PHF20: variants seen among roughly 807,000 people sequenced by gnomAD.
The protein encoded by PHF20 is glioma-expressed antigen 2.
Under a neutral mutation model 113.5 loss-of-function variants are expected in PHF20, and 23 were observed. The ratio of observed to expected loss-of-function variants is 0.20; its 90% confidence interval spans 0.15 to 0.29. The LOEUF is 0.29. Among genes scored for constraint, PHF20 ranks in the 10% least tolerant of loss-of-function variants. The probability of loss-of-function intolerance (pLI) is 1.00; values close to 1 mark genes in which losing one functional copy is unlikely to be tolerated. For synonymous variants in PHF20, 434 were observed against 457.3 expected, an observed-to-expected ratio of 0.95 and a Z score of 0.65; for missense variants, 943 against 1,219.6, an observed-to-expected ratio of 0.77 and a Z score of 3.38.
chr20:35,859,023 G>T (rs2054168915), intron 5 of PHF20, among the ~76,000 whole-genome samples: 1 of 152,176 alleles, frequency 6.6e-6, no homozygotes. Flanking sequence ...AGCCATACAG[G>T]AAACTTGTTG....
At chr20:35,772,186 C>T (rs1299305604) in intron 1 of PHF20, 107 bp downstream of exon 1, 2 of 150,874 alleles carry the variant, frequency 1.3e-5, no homozygotes, top group Admixed American at 6.6e-5. Flanking sequence ...ACCGCTGCTT[C>T]GGTCCCCTGC....
chr20:35,790,303 C>T (rs776383731), intron 1 of PHF20, among the ~76,000 whole-genome samples: 15 of 151,838 alleles, frequency 9.9e-5, no homozygotes, highest in Admixed American at 5.3e-4. Context: ...TGGGTTCAAG[C>T]GATTCTCCTT....
chr20:35,856,990 C>T (rs572757715), intron 4 of PHF20, among the ~76,000 whole-genome samples: 10 of 151,896 alleles, frequency 6.6e-5, no homozygotes, highest in Admixed American at 1.3e-4. Context: ...TGAGGACTGG[C>T]GGTGGAGGGG....
intron 10 of PHF20, among the ~76,000 whole-genome samples, chr20:35,911,927 G>A (rs951967992): frequency 1.3e-5 from 2 of 151,948 alleles, no homozygotes; most frequent in Non-Finnish European, 2.9e-5. Flanking sequence ...CCAAAGTGCT[G>A]GGATTACAGG....
At chr20:35,904,971 G>A (rs1391261760) in intron 10 of PHF20, among the ~76,000 whole-genome samples, 6 of 151,744 alleles carry the variant, frequency 4.0e-5, no homozygotes, top group East Asian at 3.9e-4. Context: ...GATTACAGGC[G>A]TGCACCACCA....
chr20:35,785,128 G>T (rs2041382679), intron 1 of PHF20, among the ~76,000 whole-genome samples: 1 of 151,842 alleles, frequency 6.6e-6, no homozygotes, highest in Non-Finnish European at 1.5e-5. Context: ...TATCTAGCCA[G>T]GTGACTTTGG....
chr20:35,929,349 G>T (rs1303589704), intron 14 of PHF20, among the ~76,000 whole-genome samples: 1 of 152,224 alleles, frequency 6.6e-6, no homozygotes, highest in Non-Finnish European at 1.5e-5. Context: ...CTGTCTCCTT[G>T]TACTAGAAGC....
chr20:35,786,354 G>T (rs1276361437), intron 1 of PHF20, among the ~76,000 whole-genome samples: 1 of 152,006 alleles, frequency 6.6e-6, no homozygotes, highest in Non-Finnish European at 1.5e-5. Context: ...TCGCGCCACT[G>T]CATTCCAGCC....
intron 1 of PHF20, among the ~76,000 whole-genome samples, chr20:35,790,870 GT>G (rs898140361): frequency 2.2e-4 from 34 of 152,014 alleles, no homozygotes; most frequent in African/African-American, 7.7e-4. Context: ...GTTTGTTTTT[GT>G]TTTTTGAGAC....
chr20:35,789,918 G>A (rs1232284746), intron 1 of PHF20, among the ~76,000 whole-genome samples: 1 of 134,340 alleles, frequency 7.4e-6, no homozygotes, highest in African/African-American at 2.9e-5. Flanking sequence ...GCAGTGGCTC[G>A]ATCTCAGCTC....
At chr20:35,804,488 G>T (rs907134783) in intron 2 of PHF20, among the ~76,000 whole-genome samples, 2 of 151,772 alleles carry the variant, frequency 1.3e-5, no homozygotes, top group Admixed American at 6.6e-5. Context: ...CACCCTCCTC[G>T]GTCTCCCAAA....
intron 9 of PHF20, chr20:35,878,784 G>A (rs559429006): frequency 1.0e-5 from 7 of 687,886 alleles, no homozygotes; most frequent in South Asian, 1.7e-5. Context: ...TTAGTTAGAC[G>A]TCTCATTATT....
intron 13 of PHF20, among the ~76,000 whole-genome samples, chr20:35,924,732 A>G (rs2055593426): frequency 6.6e-6 from 1 of 151,898 alleles, no homozygotes; most frequent in Non-Finnish European, 1.5e-5. Flanking sequence ...AGCTGGGACT[A>G]CAGGTGTGTA....
rs1173004810 is a variant in PHF20, at chr20:35,949,500, C to T, written c.*1873C>T. 6.6e-6 allele frequency: 1 copy of T among 152,648 alleles called. No homozygotes were observed. Among genetic ancestry groups the T allele is most frequent in the Non-Finnish European group, 1.5e-5 (1 of 68,052 alleles). The allele number at this position is 152,648 out of a possible 1,614,324, so 9.5% of individuals were successfully genotyped here. A position where few individuals can be genotyped will look rare whatever the true frequency, so the allele number is the denominator to read the frequency against. ...AACGATGTAAGCAGAAACTGAATTGCCCTAATTTTGCCAACTGGCCATTAT... is the reference window on the plus strand; with the variant it reads ...AACGATGTAAGCAGAAACTGAATTGTCCTAATTTTGCCAACTGGCCATTAT... On this transcript the variant is annotated 3_prime_UTR_variant, in exon 18 of 18. Transcript: ENST00000374012.
chr20:35,931,532 G>A, intron 15 of PHF20, 88 bp downstream of exon 15: 7 of 994,704 alleles, frequency 7.0e-6, no homozygotes, highest in South Asian at 3.7e-5. Context: ...AGCTACCAAA[G>A]CAATCAAATC....
In PHF20 at chr20:35,821,910, C is replaced by T. The variant is rs547224797; in HGVS notation, c.83+20305C>T. Reference sequence around the variant, plus strand: ...GGATGACTCCAAGGGCTTTTTCTCTCGGTACCAGTAGATGGAATTACCACA... The same window carrying T: ...GGATGACTCCAAGGGCTTTTTCTCTTGGTACCAGTAGATGGAATTACCACA... On this transcript the variant is annotated intron_variant, in intron 2 of 17. Transcript: ENST00000374012. Among the ~76,000 whole-genome samples, 7 of 152,166 alleles carry T rather than the reference C, an allele frequency of 4.6e-5. No homozygotes were observed. The East Asian group carries it at 7.7e-4, about 17-fold the overall frequency.
intron 12 of PHF20, among the ~76,000 whole-genome samples, chr20:35,916,466 T>G (rs1362403387): frequency 7.4e-6 from 1 of 135,636 alleles, no homozygotes; most frequent in Non-Finnish European, 1.6e-5. Flanking sequence ...ATAGAGTTTT[T>G]GTTTTTGATT....
chr20:35,884,274 G>A (rs1294742948), intron 9 of PHF20, among the ~76,000 whole-genome samples: 3 of 152,148 alleles, frequency 2.0e-5, no homozygotes, highest in South Asian at 2.1e-4. Context: ...TTCCTGAGTC[G>A]GTGCCATAGT....
intron 15 of PHF20, among the ~76,000 whole-genome samples, chr20:35,937,416 C>T (rs562456430): frequency 4.7e-5 from 7 of 149,974 alleles, no homozygotes; most frequent in South Asian, 2.1e-4. Flanking sequence ...TGTGGTGAGC[C>T]GAGATCGCAC....
Sources: gnomAD v4.1 joint callset for allele counts (sites outside exome capture counted in the v4.1 genomes callset) on GRCh38, gnomAD v4.1.1 for gene constraint, MANE v1.5 for transcripts, NCBI Gene and HGNC (gene_info 2026-07-23, HGNC 2026-07-21) for gene names.